Variants in SLCO1A2 observed in about 807,000 individuals in gnomAD.
SLCO1A2 encodes solute carrier organic anion transporter family member 1A2.
Under a neutral mutation model 69.0 loss-of-function variants are expected in SLCO1A2, and 67 were observed. The ratio of observed to expected loss-of-function variants is 0.97; its 90% CI spans 0.80 to 1.19. The LOEUF (loss-of-function observed/expected upper bound fraction) is 1.19, where lower values mean the gene tolerates loss of function less well. SLCO1A2 is among the 50% of genes most tolerant of loss of function. The pLI, the probability that SLCO1A2 is intolerant of heterozygous loss-of-function variation, is 0.00. For synonymous variants in SLCO1A2, 260 were observed against 265.9 expected (o/e 0.98, Z 0.22); for missense variants, 787 against 793.7 (o/e 0.99, Z 0.10).
rs758404818 is a variant in SLCO1A2 at position 21,292,273 on chromosome 12, C to T, written c.1501G>A (p.Asp501Asn). 8.7e-6 allele frequency: 14 copies of T among 1,612,798 alleles called. No homozygotes were observed. Among genetic ancestry groups the T allele is most frequent in the Middle Eastern group, 1.6e-4 (1 of 6,072 alleles). The change falls in exon 12 of 15, where the codon GAC (aspartate) becomes AAC (asparagine). Residue 501 changes from aspartate (D) to asparagine (N), a missense_variant. By Grantham distance (23) the Asp-to-Asn change is conservative (BLOSUM62 1). Coordinates refer to ENST00000683939, the MANE Select transcript of SLCO1A2 (RefSeq NM_001386879.1). ...ATCAAGGAACAGTCAGGTCCTTTGT[C>T]GCACAGCCCAAGAACTGCAGATGAA... Reference protein sequence around the residue: ...GNSSAVLGLCDKGPDCSLMLQ... With the variant: ...GNSSAVLGLCNKGPDCSLMLQ...
At chr12:21,382,398 C>T (rs958651167) in intron 1 of SLCO1A2, among the ~76,000 whole-genome samples, 8 of 152,264 alleles carry the variant, frequency 5.3e-5, no homozygotes, top group Admixed American at 2.0e-4. Flanking sequence ...TCTTGGGTGA[C>T]AGGTACACTA....
At chr12:21,401,109 AT>A (rs1353181368) in intron 1 of SLCO1A2, among the ~76,000 whole-genome samples, 3 of 152,088 alleles carry the variant, frequency 2.0e-5, no homozygotes, top group Non-Finnish European at 4.4e-5. Flanking sequence ...CTGTTGTGGT[AT>A]TTCTTGCATT....
chr12:21,352,090 A>G (rs1938003056), intron 2 of SLCO1A2, among the ~76,000 whole-genome samples: 1 of 152,316 alleles, frequency 6.6e-6, no homozygotes, highest in African/African-American at 2.4e-5. Flanking sequence ...TCATACTCTC[A>G]TGGAAAATAT....
At position 21,266,513 on chromosome 12, in the gene SLCO1A2, T is replaced by C. The variant is rs1382499491; in HGVS notation, c.*3035A>G. 1 of 152,098 alleles carries C rather than the reference T, an allele frequency of 6.6e-6. No homozygotes were observed. Among genetic ancestry groups the C allele is most frequent in the African/African-American group, 2.4e-5 (1 of 41,424 alleles). The allele number at this position is 152,098 out of a possible 1,614,324, so 9.4% of individuals were successfully genotyped here. On this transcript the variant is annotated 3_prime_UTR_variant, in exon 15 of 15. Coordinates refer to ENST00000683939, the MANE Select transcript of SLCO1A2 (RefSeq NM_001386879.1). ...AGGAGTAGTATTTTTTCAATGTAGA[T>C]AAATAATATTTATTTCATAATAATA...
intron 12 of SLCO1A2, among the ~76,000 whole-genome samples, chr12:21,284,402 T>G (rs906960769): frequency 6.6e-5 from 10 of 152,054 alleles, no homozygotes; most frequent in African/African-American, 2.4e-4. Context: ...AGGCCAATAC[T>G]GATGGGAGAC....
chr12:21,288,946 G>A (rs1591796459), intron 12 of SLCO1A2, among the ~76,000 whole-genome samples: 1 of 151,202 alleles, frequency 6.6e-6, no homozygotes. Flanking sequence ...ATTTGTATAT[G>A]GGGAAATGAT....
At chr12:21,299,903 T>TAC (rs1491119035) in intron 8 of SLCO1A2, among the ~76,000 whole-genome samples, 4 of 130,490 alleles carry the variant, frequency 3.1e-5, no homozygotes, top group African/African-American at 1.1e-4. Context: ...TATATATATA[T>TAC]ACGTGTGTGT....
intron 2 of SLCO1A2, among the ~76,000 whole-genome samples, chr12:21,352,014 A>C (rs1205254712): frequency 6.6e-6 from 1 of 152,174 alleles, no homozygotes; most frequent in Admixed American, 6.5e-5. Flanking sequence ...AGTGTGTGGC[A>C]TAAACGAAAT....
Position 21,401,096 on chromosome 12 carries a change from T to C in SLCO1A2, c.-312+16786A>G, listed in dbSNP as rs146427766. ...TCCCAGCTAATATCATTATTATTCA[T>C]CACTGTTGTGGTATTTCTTGCATTA... On this transcript the variant is annotated intron_variant, in intron 1 of 4. Transcript: ENST00000413682. 2.7e-4 allele frequency among the ~76,000 whole-genome samples: 41 copies of C among 152,000 alleles called. 1 individual carries two copies. Among genetic ancestry groups the C allele is most frequent in the African/African-American group, 9.6e-4 (40 of 41,488 alleles).
At chr12:21,288,248 C>T (rs188374482) in intron 12 of SLCO1A2, among the ~76,000 whole-genome samples, 3 of 152,188 alleles carry the variant, frequency 2.0e-5, no homozygotes, top group Non-Finnish European at 2.9e-5. Flanking sequence ...TCAAGACCAG[C>T]CGGGCCAACA....
At chr12:21,290,984 TATA>T (rs1198204554) in intron 12 of SLCO1A2, among the ~76,000 whole-genome samples, 2 of 152,132 alleles carry the variant, frequency 1.3e-5, no homozygotes, top group East Asian at 3.9e-4. Context: ...ATGCAGGAAA[TATA>T]ATGAGTAAAG....
At chr12:21,374,602 CT>C (rs1940051710) in intron 1 of SLCO1A2, 1 of 151,576 alleles carries the variant, frequency 6.6e-6, no homozygotes, top group Non-Finnish European at 1.5e-5. Flanking sequence ...ACAGGGTGTT[CT>C]TCTCAGAACT....
At chr12:21,394,271 G>C (rs962947039) in intron 1 of SLCO1A2, among the ~76,000 whole-genome samples, 21 of 152,210 alleles carry the variant, frequency 1.4e-4, no homozygotes, top group African/African-American at 4.8e-4. Flanking sequence ...AGTGCAGTGG[G>C]CTGTGATCCC....
At chr12:21,386,794 A>T (rs1940905472) in intron 1 of SLCO1A2, among the ~76,000 whole-genome samples, 1 of 152,098 alleles carries the variant, frequency 6.6e-6, no homozygotes. Flanking sequence ...GGAACTGGGT[A>T]ACAAGCAGAG....
intron 12 of SLCO1A2, among the ~76,000 whole-genome samples, chr12:21,276,718 G>A (rs544027866): frequency 1.3e-5 from 2 of 152,292 alleles, no homozygotes; most frequent in South Asian, 4.1e-4. Flanking sequence ...GCATGGAGAA[G>A]GAATCTGAGC....
chr12:21,306,660 T>C (rs1206707380), intron 5 of SLCO1A2, among the ~76,000 whole-genome samples: 2 of 151,850 alleles, frequency 1.3e-5, no homozygotes, highest in Non-Finnish European at 2.9e-5. Context: ...TGTTAATAAA[T>C]AAACAAGGAA....
chr12:21,389,689 C>T (rs1591909552), intron 1 of SLCO1A2, among the ~76,000 whole-genome samples: 1 of 151,540 alleles, frequency 6.6e-6, no homozygotes, highest in Non-Finnish European at 1.5e-5. Flanking sequence ...ACCAATGGGT[C>T]CCATCTAGGA....
At position 21,295,622 on chromosome 12, in the gene SLCO1A2, C is replaced by T. The variant is rs145951230; in HGVS notation, c.1246G>A (p.Val416Ile). 9.5e-5 allele frequency: 151 copies of T among 1,594,752 alleles called. No homozygotes were observed. In the African/African-American group the frequency reaches 1.8e-3, roughly 19 times the overall value. Residue 416 changes from valine to isoleucine, a missense_variant, in exon 10 of 15, where the codon GTT (valine) becomes ATT (isoleucine). Physicochemically the swap from Val to Ile is conservative, Grantham distance 29. Coordinates refer to ENST00000683939, the MANE Select transcript of SLCO1A2 (RefSeq NM_001386879.1). ...CCTTCATAAGAGGTATTTATTCCAACAACTGAAGAATTTTCACAAGTCATG... is the reference window on the plus strand; with the variant it reads ...CCTTCATAAGAGGTATTTATTCCAATAACTGAAGAATTTTCACAAGTCATG... Reference protein sequence around the residue: ...FLMTCENSSVVGINTSYEGIP... With the variant: ...FLMTCENSSVIGINTSYEGIP...
intron 3 of SLCO1A2, among the ~76,000 whole-genome samples, chr12:21,315,277 C>T (rs1261779236): frequency 1.3e-5 from 2 of 152,140 alleles, no homozygotes. Context: ...CACTTCTACT[C>T]AGTCTTCAGT....
Sources: gnomAD v4.1 joint callset for allele counts (sites outside exome capture counted in the v4.1 genomes callset) on GRCh38, gnomAD v4.1.1 for gene constraint, MANE v1.5 for transcripts, NCBI Gene and HGNC (gene_info 2026-07-23, HGNC 2026-07-21) for gene names.